Variants in CDH13 observed in about 807,000 individuals in gnomAD.
CDH13 encodes cadherin 13, also known as cadherin-13.
In CDH13, 24 loss-of-function variants were observed where a neutral mutation model predicts 63.8. That is an observed-to-expected ratio of 0.38 (90% CI 0.27 to 0.53). The LOEUF (loss-of-function observed/expected upper bound fraction) is 0.53. Ranked by LOEUF, CDH13 falls within the 20% of genes least tolerant of loss-of-function variation. The pLI, the probability that CDH13 is intolerant of heterozygous loss-of-function variation, is 0.85. For synonymous variants in CDH13, 503 were observed against 355.3 expected, an observed-to-expected ratio of 1.42 and a Z score of -4.67; for missense variants, 1,049 against 903.1, an observed-to-expected ratio of 1.16 and a Z score of -2.07.
intron 6 of CDH13, among the ~76,000 whole-genome samples, chr16:83,443,658 C>A (rs2072551359): frequency 1.4e-5 from 2 of 145,954 alleles, no homozygotes; most frequent in Non-Finnish European, 1.5e-5. Context: ...ACCACTTGAG[C>A]CTGGGAATTT....
intron 7 of CDH13, among the ~76,000 whole-genome samples, chr16:83,531,019 T>C (rs28437202): frequency 2.6e-5 from 4 of 152,212 alleles, no homozygotes; most frequent in Admixed American, 2.0e-4. Flanking sequence ...ATGCTGGCAG[T>C]GTGTTTTCAT....
intron 2 of CDH13, among the ~76,000 whole-genome samples, chr16:82,950,867 G>A (rs1422572747): frequency 6.7e-6 from 1 of 150,150 alleles, no homozygotes; most frequent in African/African-American, 2.5e-5. Flanking sequence ...AGCAGTGAGA[G>A]AGTTGTATGC....
At chr16:83,394,811 A>G (rs1378035683) in intron 6 of CDH13, among the ~76,000 whole-genome samples, 2 of 152,096 alleles carry the variant, frequency 1.3e-5, no homozygotes, top group East Asian at 3.9e-4. Context: ...GAAAGGGCTG[A>G]CTGATTTGCT....
intron 1 of CDH13, among the ~76,000 whole-genome samples, chr16:82,763,477 A>C (rs1357982763): frequency 6.6e-6 from 1 of 152,190 alleles, no homozygotes; most frequent in Non-Finnish European, 1.5e-5. Flanking sequence ...CTGTTTGCTG[A>C]ATGAAAGAAA....
At chr16:83,062,929 A>G (rs1006244524) in intron 3 of CDH13, among the ~76,000 whole-genome samples, 1 of 149,264 alleles carries the variant, frequency 6.7e-6, no homozygotes, top group Non-Finnish European at 1.5e-5. Flanking sequence ...TGTCTCCCTC[A>G]TAGCTAATCA....
chr16:83,023,684 T>C (rs527995268), intron 2 of CDH13, among the ~76,000 whole-genome samples: 3 of 152,234 alleles, frequency 2.0e-5, no homozygotes, highest in Non-Finnish European at 4.4e-5. Flanking sequence ...CTGTGCTCAA[T>C]TCACATATGG....
intron 1 of CDH13, among the ~76,000 whole-genome samples, chr16:82,687,974 A>G (rs898436896): frequency 6.6e-6 from 1 of 152,184 alleles, no homozygotes; most frequent in Non-Finnish European, 1.5e-5. Flanking sequence ...TTTACTGTCC[A>G]TTGCCACAAT....
chr16:83,731,721 C>A (rs1911061344), intron 10 of CDH13, among the ~76,000 whole-genome samples: 1 of 152,148 alleles, frequency 6.6e-6, no homozygotes, highest in East Asian at 1.9e-4. Context: ...AATGCTATTT[C>A]CTAGGTTTTT....
chr16:83,415,627 C>T (rs935746183), intron 6 of CDH13, among the ~76,000 whole-genome samples: 1 of 152,152 alleles, frequency 6.6e-6, no homozygotes, highest in Non-Finnish European at 1.5e-5. Flanking sequence ...CAATGTGATA[C>T]ACCACATTAG....
At chr16:82,894,785 G>A (rs2041197875) in intron 2 of CDH13, among the ~76,000 whole-genome samples, 1 of 152,236 alleles carries the variant, frequency 6.6e-6, no homozygotes, top group South Asian at 2.1e-4. Context: ...CAGGGCATTT[G>A]AGGGAGACAG....
At chr16:83,059,168 T>A (rs1190809454) in intron 3 of CDH13, among the ~76,000 whole-genome samples, 1 of 152,154 alleles carries the variant, frequency 6.6e-6, no homozygotes, top group Non-Finnish European at 1.5e-5. Context: ...ACACAGGGGC[T>A]TCATTTCTTC....
intron 1 of CDH13, among the ~76,000 whole-genome samples, chr16:82,673,907 C>T (rs1184474941): frequency 1.3e-5 from 2 of 152,186 alleles, no homozygotes; most frequent in Admixed American, 1.3e-4. Context: ...CCAGGTCCGG[C>T]AATGTGTGCT....
intron 4 of CDH13, among the ~76,000 whole-genome samples, chr16:83,149,563 T>C (rs1374590031): frequency 6.6e-6 from 1 of 152,216 alleles, no homozygotes; most frequent in African/African-American, 2.4e-5. Context: ...GATACCCCCA[T>C]ACCCTATTCT....
intron 7 of CDH13, among the ~76,000 whole-genome samples, chr16:83,522,848 G>C (rs187335244): frequency 6.6e-6 from 1 of 152,070 alleles, no homozygotes; most frequent in Non-Finnish European, 1.5e-5. Context: ...CCACCCCAAG[G>C]ACTTAAAGAA....
At chr16:83,131,189 C>A (rs1191995797) in intron 4 of CDH13, among the ~76,000 whole-genome samples, 1 of 50,568 alleles carries the variant, frequency 2.0e-5, no homozygotes, top group African/African-American at 4.5e-5. Context: ...ATGACCCCCC[C>A]CCCCCCCCCC....
chr16:82,643,351 C>G (rs558682212), intron 1 of CDH13, among the ~76,000 whole-genome samples: 2 of 152,178 alleles, frequency 1.3e-5, no homozygotes, highest in African/African-American at 4.8e-5. Context: ...ACTCTACTTG[C>G]TTTACTTATA....
intron 3 of CDH13, among the ~76,000 whole-genome samples, chr16:83,122,834 A>C (rs1236744844): frequency 1.3e-5 from 2 of 152,138 alleles, no homozygotes; most frequent in African/African-American, 2.4e-5. Context: ...ACATGCACAC[A>C]CTGTGTAGTG....
chr16:82,875,837 G>A (rs2040487165), intron 2 of CDH13, among the ~76,000 whole-genome samples: 1 of 152,208 alleles, frequency 6.6e-6, no homozygotes, highest in African/African-American at 2.4e-5. Context: ...TTAATGTCCT[G>A]TATTAGTCTG....
rs886170540 is a variant in CDH13 at position 82,920,502 on chromosome 16, C to T, written c.157+62029C>T. ...CATGACCTGGGTCAAAGTCAAATGC[C>T]CCTCCTACAACTAGGAATGGAGTCA... On this transcript the variant is annotated intron_variant, in intron 2 of 13. Coordinates refer to ENST00000567109, the MANE Select transcript of CDH13 (RefSeq NM_001257.5). Among the ~76,000 whole-genome samples, 11 of 152,148 alleles carry T rather than the reference C, an allele frequency of 7.2e-5. 1 individual carries two copies. The highest frequency in any genetic ancestry group is 1.6e-4 in the Non-Finnish European group (11 of 68,034).
Sources: gnomAD v4.1 joint callset for allele counts (sites outside exome capture counted in the v4.1 genomes callset) on GRCh38, gnomAD v4.1.1 for gene constraint, MANE v1.5 for transcripts, NCBI Gene and HGNC (gene_info 2026-07-23, HGNC 2026-07-21) for gene names.